CDKN2B-AS1: variants seen among roughly 807,000 people sequenced by gnomAD.
The protein encoded by CDKN2B-AS1 is CDKN2B and CDKN2A antisense cis and trans regulatory RNA 1, also known as CDKN2B antisense RNA 1 (non-protein coding).
At chr9:22,088,593 A>C (rs1216755995) in intron 4 of CDKN2B-AS1, among the ~76,000 whole-genome samples, 1 of 152,228 alleles carries the variant, frequency 6.6e-6, no homozygotes, top group Non-Finnish European at 1.5e-5. Context: ...GGTTAAGTGC[A>C]AAACATGGTT....
intron 2 of CDKN2B-AS1, among the ~76,000 whole-genome samples, chr9:22,048,671 G>C (rs1442580784): frequency 6.6e-6 from 1 of 152,108 alleles, no homozygotes; most frequent in Non-Finnish European, 1.5e-5. Context: ...TCGGGGAAAA[G>C]TACAACAAAT....
intron 3 of CDKN2B-AS1, among the ~76,000 whole-genome samples, chr9:22,054,985 CA>C (rs1431630219): frequency 6.6e-6 from 1 of 152,108 alleles, no homozygotes; most frequent in Non-Finnish European, 1.5e-5. Flanking sequence ...CTCCTGACCT[CA>C]AGTGATCTGC....
At chr9:22,076,300 C>T (rs757741461) in intron 4 of CDKN2B-AS1, among the ~76,000 whole-genome samples, 5 of 152,036 alleles carry the variant, frequency 3.3e-5, no homozygotes, top group South Asian at 4.2e-4. Flanking sequence ...GTGATCCACC[C>T]GCCTGGGCCT....
Position 22,062,998 on chromosome 9 carries a change from TAGAGAG to T in CDKN2B-AS1, n.438+6631_438+6636del, listed in dbSNP as rs769270060. On this transcript the variant is annotated intron_variant and non_coding_transcript_variant, in intron 4 of 4. Coordinates refer to ENST00000650946, the Ensembl canonical transcript of CDKN2B-AS1. ...ACAGACACACACACATATATATATA[TAGAGAG>T]AGAGAGAGAGAGAGAGAGACTTATA... Among the ~76,000 whole-genome samples, 1,551 of 148,440 alleles carry T rather than the reference TAGAGAG, an allele frequency of 0.01. 77 individuals carry two copies. The East Asian group carries it at 0.17, about 16-fold the overall frequency.
intron 4 of CDKN2B-AS1, among the ~76,000 whole-genome samples, chr9:22,094,128 G>C (rs1563977600): frequency 6.9e-6 from 1 of 144,222 alleles, no homozygotes; most frequent in Non-Finnish European, 1.5e-5. Context: ...TTTTCTTTAA[G>C]AATGTTGAAT....
chr9:22,072,976 T>C (rs1824355847), intron 4 of CDKN2B-AS1, among the ~76,000 whole-genome samples: 1 of 152,162 alleles, frequency 6.6e-6, no homozygotes, highest in South Asian at 2.1e-4. Context: ...ATCATGAGTG[T>C]GAAAGTTCAT....
intron 4 of CDKN2B-AS1, chr9:22,119,372 G>C (rs1456347765): frequency 6.6e-6 from 1 of 152,130 alleles, no homozygotes. Context: ...AGGCAGTCAA[G>C]TTCCATTTGA....
At position 22,091,703 on chromosome 9, in the gene CDKN2B-AS1, T is replaced by A. The variant is rs370493031; in HGVS notation, n.438+35316T>A. On this transcript the variant is annotated intron_variant and non_coding_transcript_variant, in intron 4 of 4. Coordinates refer to ENST00000650946, the Ensembl canonical transcript of CDKN2B-AS1. ...CCTGAGACTTTGCTGAAGTTGCTTA[T>A]CAGCTTGAGGAGATTTTGGCTGAGA... Among the ~76,000 whole-genome samples the A allele has an allele frequency of 1.1e-4, 17 of 152,350 alleles. No individual in the cohort carries two copies. The East Asian group carries it at 1.2e-3, about 10-fold the overall frequency.
intron 1 of CDKN2B-AS1, chr9:22,003,283 A>T (rs1821002486): frequency 4.9e-6 from 1 of 205,994 alleles, no homozygotes; most frequent in African/African-American, 2.3e-5. Context: ...TAAATAAAAA[A>T]AACTAACAAA....
At chr9:22,106,455 G>T (rs751028583) in intron 4 of CDKN2B-AS1, among the ~76,000 whole-genome samples, 1 of 152,194 alleles carries the variant, frequency 6.6e-6, no homozygotes, top group Non-Finnish European at 1.5e-5. Context: ...GACCTCAGGT[G>T]ATCTGCCCAC....
chr9:22,013,796 T>C (rs1274571503), intron 1 of CDKN2B-AS1, among the ~76,000 whole-genome samples: 1 of 152,172 alleles, frequency 6.6e-6, no homozygotes, highest in African/African-American at 2.4e-5. Context: ...TGCCTTCTTT[T>C]TTTTTCTTTC....
chr9:22,060,126 T>C (rs373272123), intron 4 of CDKN2B-AS1, among the ~76,000 whole-genome samples: 2 of 152,362 alleles, frequency 1.3e-5, no homozygotes, highest in African/African-American at 4.8e-5. Context: ...ATGCTACTTA[T>C]GCAAATTTCT....
At chr9:22,034,727 A>T (rs1384148290) in intron 1 of CDKN2B-AS1, among the ~76,000 whole-genome samples, 1 of 152,124 alleles carries the variant, frequency 6.6e-6, no homozygotes, top group Non-Finnish European at 1.5e-5. Context: ...TTCGCTTTTG[A>T]GGGCCATCGA....
intron 4 of CDKN2B-AS1, among the ~76,000 whole-genome samples, chr9:22,056,919 C>T (rs1198999914): frequency 1.3e-5 from 2 of 152,110 alleles, no homozygotes; most frequent in Non-Finnish European, 2.9e-5. Flanking sequence ...AAATCCTGCT[C>T]TTACCAGTCT....
At chr9:22,031,175 A>T (rs1031972147) in intron 1 of CDKN2B-AS1, 1 of 152,110 alleles carries the variant, frequency 6.6e-6, no homozygotes, top group African/African-American at 2.4e-5. Flanking sequence ...CCTTTTAAAA[A>T]CTTTACTGAA....
intron 4 of CDKN2B-AS1, among the ~76,000 whole-genome samples, chr9:22,101,090 A>C (rs140996265): frequency 2.0e-5 from 3 of 152,252 alleles, no homozygotes; most frequent in Admixed American, 2.0e-4. Context: ...AGATGCATTT[A>C]TTTCTGTATT....
chr9:22,027,019 G>T (rs942156819), intron 1 of CDKN2B-AS1, among the ~76,000 whole-genome samples: 6 of 152,000 alleles, frequency 3.9e-5, no homozygotes, highest in Non-Finnish European at 7.4e-5. Flanking sequence ...GTCTCCGTGG[G>T]TCGAGTTGTT....
At chr9:22,038,848 T>G in intron 1 of CDKN2B-AS1, among the ~76,000 whole-genome samples, 1 of 152,040 alleles carries the variant, frequency 6.6e-6, no homozygotes, top group Non-Finnish European at 1.5e-5. Context: ...AAACAACTGC[T>G]TATCTCCTTT....
intron 4 of CDKN2B-AS1, among the ~76,000 whole-genome samples, chr9:22,094,458 T>A (rs970202195): frequency 1.4e-5 from 2 of 144,714 alleles, no homozygotes; most frequent in Non-Finnish European, 2.9e-5. Context: ...GGTACTCCAA[T>A]CAGAAGTAGA....
Sources: gnomAD v4.1 joint callset for allele counts (sites outside exome capture counted in the v4.1 genomes callset) on GRCh38, gnomAD v4.1.1 for gene constraint, MANE v1.5 for transcripts, NCBI Gene and HGNC (gene_info 2026-07-23, HGNC 2026-07-21) for gene names.